The following ANKRD17 variants were observed in gnomAD, a reference collection of about 807,000 sequenced individuals.
The protein encoded by ANKRD17 is ankyrin repeat domain-containing protein 17.
Under a neutral mutation model 229.7 loss-of-function variants are expected in ANKRD17, and 19 were observed. The observed-to-expected ratio is 0.08, with a 90% CI of 0.06 to 0.12. The LOEUF (loss-of-function observed/expected upper bound fraction) is 0.12, where lower values mean the gene tolerates loss of function less well. ANKRD17 is among the 10% of genes least tolerant of loss of function. The pLI, the probability that ANKRD17 is intolerant of heterozygous loss-of-function variation, is 1.00. For missense variants in ANKRD17, 2,176 were observed against 3,176.8 expected, an observed-to-expected ratio of 0.68 and a Z score of 7.57; for synonymous variants, 1,112 against 1,146.1, an observed-to-expected ratio of 0.97 and a Z score of 0.60.
At chr4:73,133,182 G>A (rs541015949) in intron 16 of ANKRD17, among the ~76,000 whole-genome samples, 10 of 151,798 alleles carry the variant, frequency 6.6e-5, no homozygotes, top group Middle Eastern at 3.4e-3. Flanking sequence ...CCTGGGAGGC[G>A]GAGGCTACAG....
chr4:73,078,387 A>G (rs1721219354), intron 31 of ANKRD17, among the ~76,000 whole-genome samples: 1 of 151,982 alleles, frequency 6.6e-6, no homozygotes, highest in Admixed American at 6.6e-5. Context: ...AAAAAAAAAA[A>G]ATTAGCTGGG....
intron 8 of ANKRD17, 105 bp downstream of exon 8, chr4:73,148,708 C>T: frequency 4.0e-6 from 4 of 998,738 alleles, no homozygotes; most frequent in Non-Finnish European, 6.1e-6. Context: ...TGTAATAGCT[C>T]ATTGCAACTC....
At chr4:73,127,646 T>C (rs1727648038) in intron 16 of ANKRD17, among the ~76,000 whole-genome samples, 1 of 152,136 alleles carries the variant, frequency 6.6e-6, no homozygotes, top group African/African-American at 2.4e-5. Context: ...TAGTGATAAA[T>C]TACTTAGGAA....
intron 1 of ANKRD17, among the ~76,000 whole-genome samples, chr4:73,222,620 T>C (rs1742005037): frequency 6.6e-6 from 1 of 152,188 alleles, no homozygotes; most frequent in African/African-American, 2.4e-5. Flanking sequence ...AGACATATGA[T>C]ACTAAACCTT....
At chr4:73,180,204 G>C (rs1225231919) in intron 1 of ANKRD17, among the ~76,000 whole-genome samples, 1 of 151,974 alleles carries the variant, frequency 6.6e-6, no homozygotes, top group Non-Finnish European at 1.5e-5. Context: ...AGGAGACACT[G>C]CATGCATAAA....
At chr4:73,156,310 A>C (rs1731651808) in intron 3 of ANKRD17, 144 bp from the exon 4 acceptor site, 1 of 973,976 alleles carries the variant, frequency 1.0e-6, no homozygotes, top group Non-Finnish European at 1.4e-6. Flanking sequence ...CAGTGATGCA[A>C]TCAGCTCACT....
At position 73,139,826 on chromosome 4, in the gene ANKRD17, C is replaced by T. The variant is rs147744591; in HGVS notation, c.2790G>A (p.Gln930=). The T allele has an allele frequency of 4.4e-5, 71 of 1,614,228 alleles. No homozygotes were observed. The highest frequency in any genetic ancestry group is 4.0e-4 in the Admixed American group (24 of 60,018). The change falls in exon 15 of 34, where the codon CAG becomes CAA. Residue 930 remains glutamine, a synonymous_variant. Transcript: ENST00000358602. ...CTTTAAGTAAAACAGGATCCACTTG[C>T]TGTAACCGTGCATAGTCTCCCTCAG... The part of the protein sequence containing the change: ...QLSEGDYARL[Q]QVDPVLLKDE...
At chr4:73,120,552 AAAAG>A (rs919433506) in intron 20 of ANKRD17, among the ~76,000 whole-genome samples, 68 of 151,524 alleles carry the variant, frequency 4.5e-4, no homozygotes, top group Admixed American at 2.4e-3. Flanking sequence ...AAAAAAAAAA[AAAAG>A]AAAGAAAGAA....
At chr4:73,138,622 G>C (rs1227927492) in intron 15 of ANKRD17, among the ~76,000 whole-genome samples, 2 of 152,102 alleles carry the variant, frequency 1.3e-5, no homozygotes, top group Admixed American at 1.3e-4. Context: ...GAAGAGATCA[G>C]ATGGAAGTCA....
chr4:73,218,864 C>G (rs934994320), intron 1 of ANKRD17, among the ~76,000 whole-genome samples: 1 of 152,028 alleles, frequency 6.6e-6, no homozygotes, highest in Non-Finnish European at 1.5e-5. Flanking sequence ...AGATTGAGAC[C>G]ATCCTGGCCA....
At chr4:73,247,026 G>A (rs1342771430) in intron 1 of ANKRD17, among the ~76,000 whole-genome samples, 4 of 151,986 alleles carry the variant, frequency 2.6e-5, no homozygotes, top group South Asian at 2.1e-4. Context: ...TGTCAAGGGA[G>A]AATACTGTAA....
intron 1 of ANKRD17, among the ~76,000 whole-genome samples, chr4:73,225,026 T>C (rs1742323884): frequency 6.6e-6 from 1 of 152,222 alleles, no homozygotes; most frequent in Non-Finnish European, 1.5e-5. Context: ...TTTTACCTCA[T>C]ACCATACCTA....
intron 24 of ANKRD17, among the ~76,000 whole-genome samples, chr4:73,111,938 A>C (rs1048872773): frequency 2.6e-5 from 4 of 152,218 alleles, no homozygotes; most frequent in African/African-American, 9.6e-5. Flanking sequence ...AATATTTAGA[A>C]TGTTGAAAAG....
chr4:73,093,975 T>C (rs1028425675), intron 28 of ANKRD17, 104 bp downstream of exon 28: 11 of 1,091,866 alleles, frequency 1.0e-5, no homozygotes, highest in East Asian at 4.8e-5. Context: ...TTTTAAAAAG[T>C]ATACTATGTA....
intron 5 of ANKRD17, among the ~76,000 whole-genome samples, chr4:73,154,746 A>T (rs1019262312): frequency 6.6e-6 from 1 of 152,242 alleles, no homozygotes; most frequent in African/African-American, 2.4e-5. Context: ...GACCTTAAAA[A>T]ACATTTAATA....
chr4:73,190,559 C>CA (rs1488814407), intron 1 of ANKRD17, among the ~76,000 whole-genome samples: 1 of 126,638 alleles, frequency 7.9e-6, no homozygotes, highest in Non-Finnish European at 1.7e-5. Flanking sequence ...AAAAAAAAAA[C>CA]AAAACAAAAA....
chr4:73,100,933 T>C (rs889890092), intron 25 of ANKRD17: 3 of 985,380 alleles, frequency 3.0e-6, no homozygotes, highest in Non-Finnish European at 3.6e-6. Context: ...TCTTTATCCA[T>C]AGATTTAACC....
At chr4:73,153,365 C>A (rs989278033) in intron 6 of ANKRD17, among the ~76,000 whole-genome samples, 1 of 151,996 alleles carries the variant, frequency 6.6e-6, no homozygotes, top group Non-Finnish European at 1.5e-5. Flanking sequence ...AAGTAAAACA[C>A]CTTACTTTAC....
At chr4:73,204,431 G>T (rs554189352) in intron 1 of ANKRD17, among the ~76,000 whole-genome samples, 189 of 149,796 alleles carry the variant, frequency 1.3e-3, no homozygotes, top group Non-Finnish European at 2.3e-3. Flanking sequence ...TTTTCAATAT[G>T]CAGTAAAAAT....
Sources: gnomAD v4.1 joint callset for allele counts (sites outside exome capture counted in the v4.1 genomes callset) on GRCh38, gnomAD v4.1.1 for gene constraint, MANE v1.5 for transcripts, NCBI Gene and HGNC (gene_info 2026-07-23, HGNC 2026-07-21) for gene names.